SLIT3: variants seen among roughly 807,000 people sequenced by gnomAD.
The protein encoded by SLIT3 is slit homolog 3 protein.
SLIT3 carries 68 observed loss-of-function variants against 184.0 expected under a neutral mutation model. The ratio of observed to expected loss-of-function variants is 0.37; its 90% CI spans 0.30 to 0.45. SLIT3 has a LOEUF of 0.45. Ranked by LOEUF, SLIT3 falls within the 20% of genes least tolerant of loss-of-function variation. SLIT3 has a pLI of 1.00. For missense variants in SLIT3, 1,707 were observed against 2,026.0 expected, an observed-to-expected ratio of 0.84 and a Z score of 3.02; for synonymous variants, 831 against 828.6, an observed-to-expected ratio of 1.00 and a Z score of -0.05.
intron 1 of SLIT3, among the ~76,000 whole-genome samples, chr5:169,273,511 G>A (rs56244124): frequency 0.028 from 4,310 of 152,282 alleles, 197 homozygotes; most frequent in African/African-American, 0.099. Flanking sequence ...AATCACCTGA[G>A]GGAGCTTTAA....
intron 3 of SLIT3, among the ~76,000 whole-genome samples, chr5:169,234,877 C>T (rs1240510258): frequency 6.6e-6 from 1 of 152,150 alleles, no homozygotes; most frequent in Non-Finnish European, 1.5e-5. Flanking sequence ...CACTTGTATT[C>T]TGACATAAGG....
intron 32 of SLIT3, among the ~76,000 whole-genome samples, chr5:168,682,068 C>T (rs1399074495): frequency 6.6e-6 from 1 of 152,234 alleles, no homozygotes; most frequent in Non-Finnish European, 1.5e-5. Flanking sequence ...TCTCTGTCCT[C>T]TCCACTTGGC....
chr5:168,722,192 T>C, intron 23 of SLIT3, 64 bp downstream of exon 23: 1 of 1,447,880 alleles, frequency 6.9e-7, no homozygotes, highest in South Asian at 1.2e-5. Flanking sequence ...AGGGGAGTGC[T>C]TAGTCTGCTT....
chr5:169,075,397 C>A (rs1283229089), intron 4 of SLIT3, among the ~76,000 whole-genome samples: 2 of 152,170 alleles, frequency 1.3e-5, no homozygotes, highest in African/African-American at 4.8e-5. Context: ...GGACCTGGAG[C>A]TTTCTCTGCT....
intron 17 of SLIT3, among the ~76,000 whole-genome samples, chr5:168,753,571 C>T (rs898852740): frequency 1.3e-5 from 2 of 152,170 alleles, no homozygotes; most frequent in Non-Finnish European, 2.9e-5. Context: ...TTGTGTGCCT[C>T]CTTCAGCAAG....
At chr5:169,009,438 C>T (rs1391478279) in intron 4 of SLIT3, among the ~76,000 whole-genome samples, 1 of 152,212 alleles carries the variant, frequency 6.6e-6, no homozygotes, top group Non-Finnish European at 1.5e-5. Context: ...CGCCGAAAAG[C>T]AAGCACGCTG....
At chr5:168,867,722 C>T (rs1300751980) in intron 5 of SLIT3, among the ~76,000 whole-genome samples, 1 of 152,220 alleles carries the variant, frequency 6.6e-6, no homozygotes, top group Non-Finnish European at 1.5e-5. Flanking sequence ...TCCCCCGAGC[C>T]TTCTTGATTG....
chr5:169,196,636 G>C (rs1415300828), intron 3 of SLIT3, among the ~76,000 whole-genome samples: 2 of 152,156 alleles, frequency 1.3e-5, no homozygotes. Flanking sequence ...CCATCCCCAA[G>C]GCCACAATGT....
chr5:168,697,446 G>A (rs1762096186), intron 27 of SLIT3, among the ~76,000 whole-genome samples: 1 of 152,190 alleles, frequency 6.6e-6, no homozygotes, highest in East Asian at 1.9e-4. Context: ...GGTGGAGTGA[G>A]CATCCATCTG....
At chr5:169,062,355 C>T (rs1037802132) in intron 4 of SLIT3, among the ~76,000 whole-genome samples, 21 of 152,210 alleles carry the variant, frequency 1.4e-4, no homozygotes, top group Non-Finnish European at 3.1e-4. Flanking sequence ...TTGGGTGCCA[C>T]ATGAATGCTA....
intron 16 of SLIT3, among the ~76,000 whole-genome samples, chr5:168,760,021 T>A (rs1022901758): frequency 6.6e-6 from 1 of 152,196 alleles, no homozygotes; most frequent in African/African-American, 2.4e-5. Flanking sequence ...CTAGCATGAC[T>A]GCAGGTGGAC....
chr5:168,768,954 A>C (rs184228770), intron 14 of SLIT3, among the ~76,000 whole-genome samples: 4 of 152,326 alleles, frequency 2.6e-5, no homozygotes, highest in Non-Finnish European at 5.9e-5. Flanking sequence ...ATGGGGCCGT[A>C]GGGTTTGGAC....
At chr5:168,735,391 C>CTAA (rs1763401044) in intron 20 of SLIT3, among the ~76,000 whole-genome samples, 1 of 152,100 alleles carries the variant, frequency 6.6e-6, no homozygotes, top group South Asian at 2.1e-4. Flanking sequence ...CACTAGAGTC[C>CTAA]TGGAGTGATG....
chr5:169,278,834 T>C (rs975256642), intron 1 of SLIT3, among the ~76,000 whole-genome samples: 1 of 152,198 alleles, frequency 6.6e-6, no homozygotes, highest in African/African-American at 2.4e-5. Context: ...CAGCCTCTCC[T>C]GCAAGGCCCA....
chr5:168,817,035 G>A (rs1581111890), intron 8 of SLIT3, among the ~76,000 whole-genome samples: 2 of 146,412 alleles, frequency 1.4e-5, no homozygotes, highest in African/African-American at 2.5e-5. Context: ...TCGGTTTCTA[G>A]TATCAATGGA....
intron 35 of SLIT3, 73 bp from the exon 36 acceptor site, chr5:168,666,762 G>T: frequency 6.2e-7 from 1 of 1,605,566 alleles, no homozygotes; most frequent in Non-Finnish European, 8.5e-7. Flanking sequence ...TCCCAGGTAG[G>T]CTGCTTTGAA....
chr5:168,671,295 G>T lies in SLIT3; in HGVS notation c.4030C>A (p.Arg1344Ser), dbSNP rs776241334. ...SCTVCKHGLC[R>S]SVEKDSVVCE... ...ACCACGCTGTCCTTCTCCACGGAGC[G>T]GCACAGGCCGTGCTTGCACACGGTG... is the stretch of plus-strand genomic sequence containing the variant. Residue 1344 changes from arginine (R) to serine (S), a missense_variant, in exon 34 of 36, where the codon CGC becomes AGC. By Grantham distance (110) the Arg-to-Ser change is moderately radical (BLOSUM62 -1). Around this residue, in one of 3 missense-constraint regions of SLIT3, gnomAD observed 387 missense variants for 477.9 expected, o/e 0.81. Coordinates refer to ENST00000519560, the MANE Select transcript of SLIT3 (RefSeq NM_003062.4). 1 of 1,613,886 alleles carries T rather than the reference G, an allele frequency of 6.2e-7. No individual in the cohort carries two copies. Among genetic ancestry groups the T allele is most frequent in the Non-Finnish European group, 8.5e-7 (1 of 1,179,976 alleles).
rs545042331 is a variant in SLIT3 at position 169,300,526 on chromosome 5, T to A, written c.184A>T (p.Asn62Tyr). Residue 62 changes from asparagine (N) to tyrosine (Y), a missense_variant, in exon 1 of 36, where the codon AAC (asparagine) becomes TAC (tyrosine). Physicochemically the swap from Asn to Tyr is moderately radical, Grantham distance 143 (BLOSUM62 -2). Around this residue, in one of 3 missense-constraint regions of SLIT3, gnomAD observed 1,307 missense variants for 1,511.6 expected, o/e 0.86. Coordinates refer to ENST00000519560, the MANE Select transcript of SLIT3 (RefSeq NM_003062.4). This position sits in a 1 kb window ranked among gnomAD's most constrained non-coding sequence, Gnocchi z 4.1. ...LRAVPRGIPRNAERLDLDRNN... is the reference protein window; with the variant it reads ...LRAVPRGIPRYAERLDLDRNN... ...AGGGGTACTCACAGGCGCTCAGCGTTGCGGGGGATGCCCCGAGGAACCGCG... is the reference window on the plus strand; with the variant it reads ...AGGGGTACTCACAGGCGCTCAGCGTAGCGGGGGATGCCCCGAGGAACCGCG... 2.0e-4 allele frequency: 307 copies of A among 1,506,402 alleles called. 5 individuals are homozygous for A. The South Asian group carries it at 3.7e-3, about 18-fold the overall frequency. The allele number at this position is 1,506,402 out of a possible 1,614,324, so 93.3% of individuals were successfully genotyped here.
At chr5:168,666,793 G>A in intron 35 of SLIT3, 104 bp from the exon 36 acceptor site, 1 of 1,554,042 alleles carries the variant, frequency 6.4e-7, no homozygotes, top group Non-Finnish European at 8.7e-7. Flanking sequence ...TCTGAAGACT[G>A]TAAGAATTTA....
Sources: gnomAD v4.1 joint callset for allele counts (sites outside exome capture counted in the v4.1 genomes callset) on GRCh38, gnomAD v4.1.1 for gene constraint, gnomAD v4.1.1 regional missense constraint, Gnocchi (gnomAD v3.1) non-coding constraint, MANE v1.5 for transcripts, NCBI Gene and HGNC (gene_info 2026-07-23, HGNC 2026-07-21) for gene names.